CAMSAP1: variants seen among roughly 807,000 people sequenced by gnomAD.
CAMSAP1 encodes calmodulin-regulated spectrin-associated protein 1.
Under a neutral mutation model 143.5 loss-of-function variants are expected in CAMSAP1, and 58 were observed. The observed-to-expected ratio is 0.40, with a 90% CI of 0.33 to 0.50. The LOEUF (loss-of-function observed/expected upper bound fraction) is 0.50, where lower values mean the gene tolerates loss of function less well. Ranked by LOEUF, CAMSAP1 falls within the 20% of genes least tolerant of loss-of-function variation. The pLI is 0.45. For synonymous variants in CAMSAP1, 945 were observed against 859.3 expected (o/e 1.10, Z -1.74); for missense variants, 1,969 against 2,115.7 (o/e 0.93, Z 1.36).
intron 1 of CAMSAP1, among the ~76,000 whole-genome samples, chr9:135,893,770 C>A (rs959297416): frequency 1.3e-5 from 2 of 152,172 alleles, no homozygotes; most frequent in East Asian, 3.8e-4. Flanking sequence ...GTAATACTGA[C>A]GAAATCCAAA....
At chr9:135,904,473 G>A (rs71508825) in intron 1 of CAMSAP1, among the ~76,000 whole-genome samples, 8,695 of 151,888 alleles carry the variant, frequency 0.057, 332 homozygotes, top group Admixed American at 0.099. Flanking sequence ...TGGAGCCCAG[G>A]AGTTGGAGAC....
intron 3 of CAMSAP1, among the ~76,000 whole-genome samples, chr9:135,878,206 G>A (rs1038634634): frequency 3.9e-5 from 6 of 152,306 alleles, no homozygotes; most frequent in East Asian, 3.9e-4. Context: ...ACGGGTGAGC[G>A]GCCTGGAGCA....
At position 135,881,648 on chromosome 9, in the gene CAMSAP1, C is replaced by A; in HGVS notation, c.570G>T (p.Val190=). 1 of 1,551,732 alleles carries A rather than the reference C, an allele frequency of 6.4e-7. No homozygotes were observed. Residue 190 remains valine (V), a synonymous_variant, in exon 3 of 17, where the codon GTG becomes GTT. Transcript: ENST00000389532. ...GGGCACTCACCTTGTTGATCCAGAA[C>A]ACCATGGCATCCTCGAGGTCGTACG... is the stretch of plus-strand genomic sequence containing the variant. ...ELPYDLEDAM[V]FWINKVNLKM...
chr9:135,815,140 A>C lies in CAMSAP1; in HGVS notation c.4463T>G (p.Leu1488Arg). The change falls in exon 16 of 17, where the codon CTG becomes CGG. Residue 1488 changes from leucine (L) to arginine (R), a missense_variant. Coordinates refer to ENST00000389532, the MANE Select transcript of CAMSAP1 (RefSeq NM_015447.4). The part of the protein sequence containing the change: ...IIHNAISHCC[L>R]AGKVNEPHKN... ...GTGGGGTTCGTTCACTTTTCCAGCCAGGCAGCAATGGGATATGGCATTGTG... is the reference window on the plus strand; with the variant it reads ...GTGGGGTTCGTTCACTTTTCCAGCCCGGCAGCAATGGGATATGGCATTGTG... The C allele has an allele frequency of 6.2e-7, 1 of 1,613,988 alleles. No individual in the cohort carries two copies. The highest frequency in any genetic ancestry group is 8.5e-7 in the Non-Finnish European group (1 of 1,179,886).
chr9:135,825,601 C>T (rs112720749), intron 8 of CAMSAP1, among the ~76,000 whole-genome samples: 3 of 152,234 alleles, frequency 2.0e-5, no homozygotes, highest in African/African-American at 7.2e-5. Context: ...ACAGTTCTGA[C>T]AGAGCAACAC....
In CAMSAP1 at chr9:135,818,496, C is replaced by T. The variant is rs1835324815; in HGVS notation, c.4080G>A (p.Lys1360=). The T allele has an allele frequency of 6.8e-6, 11 of 1,610,630 alleles. No individual in the cohort carries two copies. The highest frequency in any genetic ancestry group is 9.3e-6 in the Non-Finnish European group (11 of 1,179,696). ...QQILEEQGLG[K]PKSKPKKPRP... Reference sequence around the variant, plus strand: ...GCGGCTTCTTCGGCTTTGACTTGGGCTTGCCGAGCCCCTGCTCCTCTAGGA... The same window carrying T: ...GCGGCTTCTTCGGCTTTGACTTGGGTTTGCCGAGCCCCTGCTCCTCTAGGA... The change falls in exon 13 of 17, where the codon AAG becomes AAA. Residue 1360 remains lysine (K), a synonymous_variant. Coordinates refer to ENST00000389532, the MANE Select transcript of CAMSAP1 (RefSeq NM_015447.4). This position sits in a 1 kb window ranked among gnomAD's most constrained non-coding sequence, Gnocchi z 7.7.
chr9:135,839,035 T>G (rs1033802696), intron 7 of CAMSAP1, among the ~76,000 whole-genome samples: 5 of 151,166 alleles, frequency 3.3e-5, no homozygotes, highest in African/African-American at 1.2e-4. Context: ...CACTTTCTAC[T>G]CCATTCTCAA....
In CAMSAP1 at chr9:135,818,504, G is replaced by A; in HGVS notation, c.4072C>T (p.Leu1358Phe). The change falls in exon 13 of 17, where the codon CTC (leucine) becomes TTC (phenylalanine). Residue 1358 changes from leucine to phenylalanine, a missense_variant. Leu to Phe is a conservative substitution (Grantham distance 22, BLOSUM62 0). Coordinates refer to ENST00000389532, the MANE Select transcript of CAMSAP1 (RefSeq NM_015447.4). The surrounding 1 kb of genome is among the most constrained non-coding windows in gnomAD (Gnocchi z 7.7). ...TTCGGCTTTGACTTGGGCTTGCCGA[G>A]CCCCTGCTCCTCTAGGATCTGCTGC... Reference protein sequence around the residue: ...KQQQILEEQGLGKPKSKPKKP... With the variant: ...KQQQILEEQGFGKPKSKPKKP... 4.3e-6 allele frequency: 7 copies of A among 1,611,308 alleles called. No homozygotes were observed. Among genetic ancestry groups the A allele is most frequent in the Non-Finnish European group, 5.1e-6 (6 of 1,179,754 alleles).
chr9:135,868,380 A>AT (rs1258850216), intron 3 of CAMSAP1, among the ~76,000 whole-genome samples: 1 of 152,222 alleles, frequency 6.6e-6, no homozygotes, highest in Non-Finnish European at 1.5e-5. Flanking sequence ...AAGCTGAGCC[A>AT]TTAACAAACC....
chr9:135,850,225 A>C lies in CAMSAP1; in HGVS notation c.957T>G (p.Val319=), dbSNP rs761867719. 3 of 1,613,250 alleles carry C rather than the reference A, an allele frequency of 1.9e-6. No homozygotes were observed. In the South Asian group the frequency reaches 3.3e-5, roughly 18 times the overall value. Residue 319 remains valine (V), a synonymous_variant, in exon 7 of 17, where the codon GTT becomes GTG. Coordinates refer to ENST00000389532, the MANE Select transcript of CAMSAP1 (RefSeq NM_015447.4). ...AAAAAAGCTCCGCAATAAAAACCAT[A>C]ACATTCGGCTAAAAGACAAAAACAA... is the stretch of plus-strand genomic sequence containing the variant. ...LYAPLVLKPN[V]MVFIAELFWW...
At chr9:135,900,516 AC>A (rs1184261223) in intron 1 of CAMSAP1, among the ~76,000 whole-genome samples, 2 of 151,452 alleles carry the variant, frequency 1.3e-5, no homozygotes, top group African/African-American at 4.8e-5. Flanking sequence ...ACATGGTGAA[AC>A]CCCGTCTCTA....
At chr9:135,851,746 T>C (rs909586426) in intron 5 of CAMSAP1, among the ~76,000 whole-genome samples, 1 of 152,258 alleles carries the variant, frequency 6.6e-6, no homozygotes, top group Non-Finnish European at 1.5e-5. Flanking sequence ...AACAGATCTA[T>C]GTTGATACGG....
At chr9:135,866,271 A>C in intron 4 of CAMSAP1, 185 bp downstream of exon 4, 1 of 546,498 alleles carries the variant, frequency 1.8e-6, no homozygotes, top group Non-Finnish European at 3.3e-6. Context: ...GAGGCGGGGC[A>C]GGCTGCCGTG....
Position 135,818,523 on chromosome 9 carries a change from C to G in CAMSAP1, c.4053G>C (p.Gln1351His). ...KQEYLRRKQQ[Q>H]ILEEQGLGKP... is the part of the protein sequence containing the mutation. ...TGCCGAGCCCCTGCTCCTCTAGGAT[C>G]TGCTGCTGCTTCCTCCGCAGGTACT... Residue 1351 changes from glutamine to histidine, a missense_variant, in exon 13 of 17, where the codon CAG (glutamine) becomes CAC (histidine). Physicochemically the swap from Gln to His is conservative, Grantham distance 24. This residue lies in a region of CAMSAP1 where 1,390 missense variants were observed against 1,420.8 expected (regional missense o/e 0.98). Coordinates refer to ENST00000389532, the MANE Select transcript of CAMSAP1 (RefSeq NM_015447.4). This position sits in a 1 kb window ranked among gnomAD's most constrained non-coding sequence, Gnocchi z 7.7. The G allele has an allele frequency of 6.2e-7, 1 of 1,612,506 alleles. No homozygotes were observed.
chr9:135,889,670 T>C (rs3119680), intron 1 of CAMSAP1, among the ~76,000 whole-genome samples: 97,336 of 152,146 alleles, frequency 0.64, 32,103 homozygotes, highest in African/African-American at 0.81. Flanking sequence ...GACAGAGACC[T>C]CACTGGGCCA....
At chr9:135,860,597 CA>C (rs35415924) in intron 5 of CAMSAP1, among the ~76,000 whole-genome samples, 19,835 of 62,320 alleles carry the variant, frequency 0.32, 1,030 homozygotes, top group African/African-American at 0.41. Flanking sequence ...GACTCTGCCT[CA>C]AAAAAAAAAA....
intron 7 of CAMSAP1, among the ~76,000 whole-genome samples, chr9:135,833,421 C>T (rs1197189825): frequency 2.0e-5 from 3 of 152,196 alleles, no homozygotes; most frequent in Non-Finnish European, 2.9e-5. Context: ...AAACATCACA[C>T]TCCCTGATTT....
rs1410940757 is a variant in CAMSAP1, at chr9:135,869,164, A to ATTTTTGGTTTATT, written c.586-2629_586-2628insAATAAACCAAAAA. 2.2e-4 allele frequency among the ~76,000 whole-genome samples: 33 copies of ATTTTTGGTTTATT among 152,194 alleles called. No individual in the cohort carries two copies. In the Middle Eastern group the frequency reaches 0.01, roughly 47 times the overall value. ...TATAAAAGAACAATACAACCATAAA[A>ATTTTTGGTTTATT]AGACAATCCAATTTTTAAATAGGCA... On this transcript the variant is annotated intron_variant, in intron 3 of 16. Transcript: ENST00000389532.
chr9:135,822,309 G>C lies in CAMSAP1; in HGVS notation c.2352C>G (p.Asp784Glu). ...QEDMKVKEHE[D>E]KDDASGRSSP... ...TCGAGCGGCCGCTGGCGTCATCTTT[G>C]TCTTCATGTTCCTTCACCTTCATGT... The change falls in exon 11 of 17, where the codon GAC (aspartate) becomes GAG (glutamate). Residue 784 changes from aspartate to glutamate, a missense_variant. Asp to Glu is a conservative substitution (Grantham distance 45). Coordinates refer to ENST00000389532, the MANE Select transcript of CAMSAP1 (RefSeq NM_015447.4). The surrounding 1 kb of genome is among the most constrained non-coding windows in gnomAD (Gnocchi z 6.1). The C allele has an allele frequency of 1.2e-6, 2 of 1,614,046 alleles. No homozygotes were observed.
Sources: gnomAD v4.1 joint callset for allele counts (sites outside exome capture counted in the v4.1 genomes callset) on GRCh38, gnomAD v4.1.1 for gene constraint, gnomAD v4.1.1 regional missense constraint, Gnocchi (gnomAD v3.1) non-coding constraint, MANE v1.5 for transcripts, NCBI Gene and HGNC (gene_info 2026-07-23, HGNC 2026-07-21) for gene names.